Variants in GSG1L2 observed in about 807,000 individuals in gnomAD.
GSG1L2 encodes germ cell-specific gene 1-like protein 2.
GSG1L2 carries 15 observed loss-of-function variants against 9.0 expected under a neutral mutation model. The ratio of observed to expected loss-of-function variants is 1.67; its 90% CI spans 1.12 to 2.57. The LOEUF (loss-of-function observed/expected upper bound fraction) is 2.57, where lower values mean the gene tolerates loss of function less well. Among genes scored for constraint, GSG1L2 ranks in the 30% most tolerant of loss-of-function variants. The pLI is 0.00. For missense variants in GSG1L2, 286 were observed against 150.3 expected (o/e 1.90, Z -4.72); for synonymous variants, 127 against 57.9 (o/e 2.19, Z -5.41).
In GSG1L2 at chr17:9,800,687, G is replaced by A. The variant is rs368725032; in HGVS notation, c.*1699C>T. On this transcript the variant is annotated 3_prime_UTR_variant, in exon 5 of 5. Coordinates refer to ENST00000399363, the MANE Select transcript of GSG1L2 (RefSeq NM_001310219.2). ...TGTTTTTCACAACAGCGAATTCAGC[G>A]AAGTCTCTCTCCAGTGTATTTCATT... is the stretch of plus-strand genomic sequence containing the variant. Among the ~76,000 whole-genome samples, 4 of 152,200 alleles carry A rather than the reference G, an allele frequency of 2.6e-5. No homozygotes were observed. The highest frequency in any genetic ancestry group is 5.9e-5 in the Non-Finnish European group (4 of 68,042).
chr17:9,816,922 G>GTGTGTGTGTATCTGTGTGTGTGTATC (rs1567711609), intron 1 of GSG1L2, among the ~76,000 whole-genome samples: 153 of 148,832 alleles, frequency 1.0e-3, no homozygotes, highest in African/African-American at 3.7e-3. Context: ...GTGTGTGTGT[G>GTGTGTGTGTATCTGTGTGTGTGTATC]TGTGTGTGTG....
chr17:9,821,182 G>T (rs2066588139), intron 1 of GSG1L2, among the ~76,000 whole-genome samples: 1 of 152,210 alleles, frequency 6.6e-6, no homozygotes, highest in Non-Finnish European at 1.5e-5. Context: ...AAAGGGAAGA[G>T]TACTCTGTCC....
chr17:9,813,758 G>A (rs2066548584), intron 1 of GSG1L2, among the ~76,000 whole-genome samples: 1 of 152,168 alleles, frequency 6.6e-6, no homozygotes, highest in South Asian at 2.1e-4. Context: ...GGATACCATG[G>A]GCAATGTGTG....
At chr17:9,805,466 C>G (rs1471586113) in intron 4 of GSG1L2, 1 of 152,194 alleles carries the variant, frequency 6.6e-6, no homozygotes, top group Admixed American at 6.5e-5. Flanking sequence ...GTACGGCCAT[C>G]TAAATTCTTT....
intron 1 of GSG1L2, among the ~76,000 whole-genome samples, chr17:9,811,747 A>G (rs1597942186): frequency 6.6e-6 from 1 of 152,212 alleles, no homozygotes; most frequent in African/African-American, 2.4e-5. Flanking sequence ...GACTTGCTCA[A>G]GACAGCGTAG....
chr17:9,812,766 G>A (rs559664165), intron 1 of GSG1L2, among the ~76,000 whole-genome samples: 3 of 152,112 alleles, frequency 2.0e-5, no homozygotes, highest in South Asian at 2.1e-4. Flanking sequence ...GACTAGAGGC[G>A]CACGCCACCA....
chr17:9,816,585 C>T (rs62641962), intron 1 of GSG1L2, among the ~76,000 whole-genome samples: 2 of 62,710 alleles, frequency 3.2e-5, no homozygotes, highest in South Asian at 1.1e-3. Flanking sequence ...TGTGTGTGCA[C>T]GTGCGTGTCT....
At position 9,815,823 on chromosome 17, in the gene GSG1L2, C is replaced by T. The variant is rs150151624; in HGVS notation, c.311-5205G>A. Among the ~76,000 whole-genome samples, 176 of 152,282 alleles carry T rather than the reference C, an allele frequency of 1.2e-3. 1 individual carries two copies. Among genetic ancestry groups the T allele is most frequent in the African/African-American group, 3.8e-3 (156 of 41,556 alleles). The stretch of plus-strand genomic sequence containing the variant: ...TGGTTTGAATGTCCCCTCCCAAACT[C>T]ATGTTGAAATTTAATCCCTAGTGAG... On this transcript the variant is annotated intron_variant, in intron 1 of 4. Coordinates refer to ENST00000399363, the MANE Select transcript of GSG1L2 (RefSeq NM_001310219.2).
At chr17:9,813,347 C>T (rs1334163702) in intron 1 of GSG1L2, among the ~76,000 whole-genome samples, 1 of 152,148 alleles carries the variant, frequency 6.6e-6, no homozygotes, top group African/African-American at 2.4e-5. Context: ...TTTTCTGACT[C>T]GAATGCGCAG....
intron 1 of GSG1L2, among the ~76,000 whole-genome samples, chr17:9,821,400 C>A (rs1054372305): frequency 3.8e-5 from 5 of 131,052 alleles, no homozygotes; most frequent in African/African-American, 2.2e-4. Flanking sequence ...GATTCAGTGA[C>A]AAGAACAAAC....
chr17:9,821,997 G>C lies in GSG1L2; in HGVS notation c.75C>G (p.Ala25=). The C allele has an allele frequency of 1.4e-6, 1 of 703,092 alleles. No individual in the cohort carries two copies. The highest frequency in any genetic ancestry group is 2.6e-6 in the Non-Finnish European group (1 of 385,014). 43.6% of individuals were successfully genotyped at this position (703,092 alleles called of 1,614,324 possible). ...CCTCACACCAGTGGCTGCTGACCAC[G>C]GCGGTGAGGGAGAAGGTGAGGGCGA... The part of the protein sequence containing the change: ...VCLALTFSLT[A]VVSSHWCEGT... Residue 25 remains alanine, a synonymous_variant, in exon 1 of 5, where the codon GCC becomes GCG. Transcript: ENST00000399363.
rs574548069 is a variant in GSG1L2, at chr17:9,816,832, G to A, written c.310+4930C>T. On this transcript the variant is annotated intron_variant, in intron 1 of 4. Transcript: ENST00000399363. ...GTCTGTTGTATCTGTGTGTGTCTGTGTATCTGTGTGTGTTTCTGTGTATCT... is the reference window on the plus strand; with the variant it reads ...GTCTGTTGTATCTGTGTGTGTCTGTATATCTGTGTGTGTTTCTGTGTATCT... Among the ~76,000 whole-genome samples, 7 of 146,092 alleles carry A rather than the reference G, an allele frequency of 4.8e-5. No individual in the cohort carries two copies. The East Asian group carries it at 1.1e-3, about 22-fold the overall frequency.
In GSG1L2 at chr17:9,808,922, G is replaced by C. The variant is rs16958805; in HGVS notation, c.419C>G (p.Ala140Gly). The change falls in exon 3 of 5, where the codon GCC becomes GGC. Residue 140 changes from alanine to glycine, a missense_variant. By Grantham distance (60) the Ala-to-Gly change is moderately conservative (BLOSUM62 0). Transcript: ENST00000399363. ...ACTCACTCTGGAGCCCAGGAGGATGGCGCTTGTCAGTATCAGAACGATATC... is the reference window on the plus strand; with the variant it reads ...ACTCACTCTGGAGCCCAGGAGGATGCCGCTTGTCAGTATCAGAACGATATC... ...VLDIVLILTS[A>G]ILLGSRVSCR... 3.5e-3 allele frequency: 2,486 copies of C among 703,006 alleles called. 51 individuals are homozygous for C. In the African/African-American group the frequency reaches 0.04, roughly 11 times the overall value. 43.5% of individuals were successfully genotyped at this position (703,006 alleles called of 1,614,324 possible).
intron 3 of GSG1L2, 136 bp from the exon 4 acceptor site, chr17:9,807,737 A>G (rs1033787012): frequency 1.4e-5 from 9 of 622,848 alleles, no homozygotes; most frequent in Non-Finnish European, 2.6e-5. Flanking sequence ...TTCATCCTTA[A>G]ACATTCCGCT....
chr17:9,807,660 C>T (rs1374245991), intron 3 of GSG1L2, 59 bp from the exon 4 acceptor site: 6 of 700,970 alleles, frequency 8.6e-6, no homozygotes, highest in South Asian at 3.0e-5. Context: ...AAGAACTCTA[C>T]GCGGTGTGAG....
chr17:9,819,250 T>A (rs2152025186), intron 1 of GSG1L2, among the ~76,000 whole-genome samples: 1 of 152,344 alleles, frequency 6.6e-6, no homozygotes, highest in African/African-American at 2.4e-5. Context: ...CAGCACCTAC[T>A]TTGATGCTAT....
intron 4 of GSG1L2, chr17:9,803,667 A>G (rs1267871875): frequency 6.6e-6 from 1 of 152,234 alleles, no homozygotes; most frequent in African/African-American, 2.4e-5. Context: ...AATAAGATTA[A>G]CAATAATAAA....
Position 9,820,040 on chromosome 17 carries a change from A to C in GSG1L2, c.310+1722T>G, listed in dbSNP as rs537960359. On this transcript the variant is annotated intron_variant, in intron 1 of 4. Coordinates refer to ENST00000399363, the MANE Select transcript of GSG1L2 (RefSeq NM_001310219.2). The surrounding 1 kb of genome is among the most constrained non-coding windows in gnomAD (Gnocchi z 4.9). ...AGGAGGTGGAAGTTGCAGTGAGCTG[A>C]GATTGCGCCGTTGCAATCCAGCCTG... 1.2e-4 allele frequency among the ~76,000 whole-genome samples: 19 copies of C among 152,058 alleles called. No homozygotes were observed. The highest frequency in any genetic ancestry group is 4.2e-4 in the South Asian group (2 of 4,794).
chr17:9,808,958 C>T lies in GSG1L2; in HGVS notation c.383G>A (p.Gly128Asp), dbSNP rs2066527238. Residue 128 changes from glycine (G) to aspartate (D), a missense_variant, in exon 3 of 5, where the codon GGC becomes GAC. Physicochemically the swap from Gly to Asp is moderately conservative, Grantham distance 94 (BLOSUM62 -1). Coordinates refer to ENST00000399363, the MANE Select transcript of GSG1L2 (RefSeq NM_001310219.2). ...EQGVLWLSIG[G>D]EVLDIVLILT... The stretch of plus-strand genomic sequence containing the variant: ...TATCAGAACGATATCCAGGACCTCG[C>T]CCCCGATGGACAGCCACAAAACACC... 1.4e-6 allele frequency: 1 copy of T among 702,802 alleles called. No individual in the cohort carries two copies. The highest frequency in any genetic ancestry group is 1.7e-5 in the African/African-American group (1 of 57,248). 43.5% of individuals were successfully genotyped at this position (702,802 alleles called of 1,614,324 possible). A position where few individuals can be genotyped will look rare whatever the true frequency, so the allele number is the denominator to read the frequency against.
Sources: allele counts gnomAD v4.1 joint callset (sites outside exome capture counted in the v4.1 genomes callset), GRCh38; gene constraint gnomAD v4.1.1; non-coding constraint Gnocchi (gnomAD v3.1); transcripts MANE v1.5; gene names NCBI Gene and HGNC (gene_info 2026-07-23, HGNC 2026-07-21).